ITPA: variants seen among roughly 807,000 people sequenced by gnomAD.
ITPA encodes inosine triphosphate pyrophosphatase.
A neutral mutation model predicts 29.6 loss-of-function variants in ITPA; 29 were observed. The observed-to-expected ratio is 0.98, with a 90% confidence interval of 0.73 to 1.34. ITPA has a LOEUF of 1.34. Among genes scored for constraint, ITPA ranks in the 40% most tolerant of loss-of-function variants. The pLI is 0.00. For missense variants in ITPA, 241 were observed against 251.5 expected (o/e 0.96, Z 0.28); for synonymous variants, 103 against 99.3 (o/e 1.04, Z -0.22).
chr20:3,211,752 C>A (rs949031177), intron 1 of ITPA, among the ~76,000 whole-genome samples: 1 of 152,134 alleles, frequency 6.6e-6, no homozygotes, highest in African/African-American at 2.4e-5. Context: ...CAGGGCCTCC[C>A]GAAGTGTTAG....
chr20:3,218,703 C>T, intron 6 of ITPA, 71 bp downstream of exon 6: 1 of 1,216,548 alleles, frequency 8.2e-7, no homozygotes, highest in Non-Finnish European at 1.2e-6. Context: ...CCGACCGCCC[C>T]GAGTCTGCGG....
chr20:3,204,453 A>G, upstream of ITPA: 5 of 1,396,740 alleles, frequency 3.6e-6, no homozygotes, highest in Non-Finnish European at 4.8e-6. Flanking sequence ...GCGCACGCGC[A>G]GGAGCCGCGG....
chr20:3,204,768 A>T, upstream of ITPA: 1 of 765,328 alleles, frequency 1.3e-6, no homozygotes, highest in Middle Eastern at 2.9e-4. Flanking sequence ...TTAATGTCAG[A>T]CATTAAAATG....
At chr20:3,212,954 A>G (rs2067206597) in intron 1 of ITPA, among the ~76,000 whole-genome samples, 1 of 151,964 alleles carries the variant, frequency 6.6e-6, no homozygotes, top group Non-Finnish European at 1.5e-5. Flanking sequence ...GCACAAGCAG[A>G]GACCTGACGT....
chr20:3,209,649 G>A lies in ITPA; in HGVS notation c.66+32G>A. 1 of 1,601,878 alleles carries A rather than the reference G, an allele frequency of 6.2e-7. No individual in the cohort carries two copies. The highest frequency in any genetic ancestry group is 8.6e-7 in the Non-Finnish European group (1 of 1,169,194). On this transcript the variant is annotated intron_variant, in intron 1 of 7. Transcript: ENST00000380113. The surrounding 1 kb of genome is among the most constrained non-coding windows in gnomAD (Gnocchi z 4.6). ...GGAGGGTGTTGGGGGCTAACTGGGAGGCGGCTGGGAATAGGGCGGAGAAGG... is the reference window on the plus strand; with the variant it reads ...GGAGGGTGTTGGGGGCTAACTGGGAAGCGGCTGGGAATAGGGCGGAGAAGG...
In ITPA at chr20:3,223,598, G is replaced by C. The variant is rs966644781; in HGVS notation, c.*136G>C. 1 of 704,082 alleles carries C rather than the reference G, an allele frequency of 1.4e-6. No individual in the cohort carries two copies. The highest frequency in any genetic ancestry group is 2.0e-5 in the Admixed American group (1 of 48,954). The allele number at this position is 704,082 out of a possible 1,614,324, so 43.6% of individuals were successfully genotyped here. A position where few individuals can be genotyped will look rare whatever the true frequency, so the allele number is the denominator to read the frequency against. On this transcript the variant is annotated 3_prime_UTR_variant, in exon 8 of 8. Transcript: ENST00000380113. ...TGTGAGGGTGTCGAGTAGCCTCACC[G>C]GCCTGTCTGGAGGAGCAGCTGGCTC... is the stretch of plus-strand genomic sequence containing the variant.
chr20:3,214,363 CTTTTTTTTT>C (rs57982806), intron 4 of ITPA, among the ~76,000 whole-genome samples: 1 of 112,910 alleles, frequency 8.9e-6, no homozygotes, highest in African/African-American at 3.0e-5. Flanking sequence ...TTCTTCCTTT[CTTTTTTTTT>C]TTTTTTTTTT....
chr20:3,218,543 G>C lies in ITPA; in HGVS notation c.322G>C (p.Glu108Gln). 6.2e-7 allele frequency: 1 copy of C among 1,613,956 alleles called. No homozygotes were observed. The highest frequency in any genetic ancestry group is 8.5e-7 in the Non-Finnish European group (1 of 1,180,020). The change falls in exon 6 of 8, where the codon GAG becomes CAG. Residue 108 changes from glutamate (E) to glutamine (Q), a missense_variant. Transcript: ENST00000380113. ...EGLHQLLAGF[E>Q]DKSAYALCTF... ...TCTCCACCAGCTCCTGGCCGGGTTC[G>C]AGGACAAGTCAGCCTATGCGCTCTG...
downstream of ITPA, among the ~76,000 whole-genome samples, chr20:3,225,227 T>C (rs2067542440): frequency 6.6e-6 from 1 of 152,006 alleles, no homozygotes; most frequent in South Asian, 2.1e-4. Flanking sequence ...GTGTATTTGG[T>C]CTTTGACCCC....
intron 5 of ITPA, among the ~76,000 whole-genome samples, chr20:3,218,084 A>AT (rs1385195117): frequency 1.3e-5 from 2 of 151,822 alleles, no homozygotes; most frequent in South Asian, 2.1e-4. Context: ...CGCCCGGCTA[A>AT]TTTTTTTGTA....
upstream of ITPA, among the ~76,000 whole-genome samples, chr20:3,206,652 A>C (rs1013084898): frequency 2.0e-4 from 30 of 151,402 alleles, no homozygotes; most frequent in African/African-American, 2.4e-5. Context: ...AACACGGTGA[A>C]ACCCCGTCTC....
chr20:3,211,314 T>C (rs958037066), intron 1 of ITPA, among the ~76,000 whole-genome samples: 4 of 149,034 alleles, frequency 2.7e-5, no homozygotes, highest in Non-Finnish European at 5.9e-5. Context: ...TGCAGGCATG[T>C]ATCACCACGC....
upstream of ITPA, chr20:3,209,413 G>T: frequency 2.5e-6 from 2 of 811,668 alleles, no homozygotes; most frequent in Non-Finnish European, 4.2e-6. The surrounding 1 kb of genome is among the most constrained non-coding windows in gnomAD (Gnocchi z 4.6). Context: ...CGCCCGATAC[G>T]CGCCTTGGGG....
Position 3,214,040 on chromosome 20 carries a change from GGCTCCCCGGC to G in ITPA, c.246_255del (p.Leu83ProfsTer3). Reference sequence around the variant, plus strand: ...TGTCTGTGCTTCAATGCCCTTGGAGGGCTCCCCGGCCCCTACATGTGAGTGACTACCTCCA... The same window carrying G: ...TGTCTGTGCTTCAATGCCCTTGGAGGCCCTACATGTGAGTGACTACCTCCA... On this transcript the variant is annotated frameshift_variant, in exon 4 of 8. Transcript: ENST00000380113. LOFTEE classifies it high-confidence loss of function. 1 of 1,614,192 alleles carries G rather than the reference GGCTCCCCGGC, an allele frequency of 6.2e-7. No homozygotes were observed. Among genetic ancestry groups the G allele is most frequent in the South Asian group, 1.1e-5 (1 of 91,084 alleles).
rs995078146 is a variant in ITPA, at chr20:3,222,283, C to T, written c.488+366C>T. Among the ~76,000 whole-genome samples the T allele has an allele frequency of 2.1e-4, 32 of 149,698 alleles. 1 individual carries two copies. The highest frequency in any genetic ancestry group is 1.5e-3 in the Admixed American group (23 of 14,936). ...TGTTGCCCAGGCTGGAGTGCAACGG[C>T]GTGATCTCAACTCACTGCACCCTCT... is the stretch of plus-strand genomic sequence containing the variant. On this transcript the variant is annotated intron_variant, in intron 7 of 7. Coordinates refer to ENST00000380113, the MANE Select transcript of ITPA (RefSeq NM_033453.4).
rs1228664891 is a variant in ITPA at position 3,218,636 on chromosome 20, C to T, written c.411+4C>T. On this transcript the variant is annotated splice_donor_region_variant and intron_variant, in intron 6 of 7. Transcript: ENST00000380113. ...CCTGTTCAGGGGCCGGACCTCGGTG[C>T]GTACCCACCTTGATGCAGTTCCCGC... 2 of 1,604,604 alleles carry T rather than the reference C, an allele frequency of 1.2e-6. No individual in the cohort carries two copies. The highest frequency in any genetic ancestry group is 2.2e-5 in the East Asian group (1 of 44,820).
Position 3,209,699 on chromosome 20 carries a change from T to C in ITPA, c.66+82T>C. 1 of 1,134,396 alleles carries C rather than the reference T, an allele frequency of 8.8e-7. No individual in the cohort carries two copies. The highest frequency in any genetic ancestry group is 1.3e-6 in the Non-Finnish European group (1 of 754,106). The allele number at this position is 1,134,396 out of a possible 1,614,324, so 70.3% of individuals were successfully genotyped here. On this transcript the variant is annotated intron_variant, in intron 1 of 7. Coordinates refer to ENST00000380113, the MANE Select transcript of ITPA (RefSeq NM_033453.4). This position sits in a 1 kb window ranked among gnomAD's most constrained non-coding sequence, Gnocchi z 4.6. ...GGGCTTCCGGGAGGAGGGAAGCACG[T>C]GGGAGGAGGCATGGAGAGAGAACAG...
upstream of ITPA, among the ~76,000 whole-genome samples, chr20:3,205,677 G>A (rs1418659075): frequency 6.6e-6 from 1 of 152,004 alleles, no homozygotes; most frequent in East Asian, 1.9e-4. Flanking sequence ...CTCCAGCCTG[G>A]GTGATAGAGT....
chr20:3,205,061 A>C (rs954361723), upstream of ITPA, among the ~76,000 whole-genome samples: 4 of 152,020 alleles, frequency 2.6e-5, no homozygotes, highest in African/African-American at 9.7e-5. Context: ...CGTGTTGGCC[A>C]GGCTGGTCTC....
Sources: allele counts gnomAD v4.1 joint callset (sites outside exome capture counted in the v4.1 genomes callset), GRCh38; gene constraint gnomAD v4.1.1; non-coding constraint Gnocchi (gnomAD v3.1); transcripts MANE v1.5; gene names NCBI Gene and HGNC (gene_info 2026-07-23, HGNC 2026-07-21).